Variants in PTPRG observed in about 807,000 individuals in gnomAD.
The protein encoded by PTPRG is protein tyrosine phosphatase receptor type G, also known as receptor-type tyrosine-protein phosphatase gamma.
In PTPRG, 102 loss-of-function variants were observed where a neutral mutation model predicts 165.3. That is an observed-to-expected ratio of 0.62 (90% CI 0.53 to 0.73). The LOEUF (loss-of-function observed/expected upper bound fraction) is 0.73, where lower values mean the gene tolerates loss of function less well. PTPRG is among the 30% of genes least tolerant of loss of function. The pLI, the probability that PTPRG is intolerant of heterozygous loss-of-function variation, is 0.00. For synonymous variants in PTPRG, 675 were observed against 669.5 expected (o/e 1.01, Z -0.13); for missense variants, 1,866 against 1,861.4 (o/e 1.00, Z -0.05).
At chr3:62,207,371 C>G (rs1273910109) in intron 12 of PTPRG, among the ~76,000 whole-genome samples, 1 of 152,236 alleles carries the variant, frequency 6.6e-6, no homozygotes, top group Admixed American at 6.5e-5. Flanking sequence ...CGTGAGTGAC[C>G]TGAAGGTAAA....
chr3:61,972,892 C>G (rs1003902490), intron 2 of PTPRG, among the ~76,000 whole-genome samples: 2 of 151,430 alleles, frequency 1.3e-5, no homozygotes, highest in African/African-American at 4.9e-5. Context: ...CTTCTGGGCT[C>G]AAGTGATCCT....
intron 6 of PTPRG, among the ~76,000 whole-genome samples, chr3:62,135,004 G>A (rs985528119): frequency 6.6e-6 from 1 of 152,170 alleles, no homozygotes; most frequent in African/African-American, 2.4e-5. Flanking sequence ...CAGGGGCAGT[G>A]GCTCATGCCT....
chr3:61,607,856 G>A (rs1167505412), intron 1 of PTPRG, among the ~76,000 whole-genome samples: 1 of 152,154 alleles, frequency 6.6e-6, no homozygotes, highest in Non-Finnish European at 1.5e-5. Context: ...GGACTGTGGA[G>A]AACTGGACGC....
chr3:61,671,896 G>C (rs536330729), intron 1 of PTPRG, among the ~76,000 whole-genome samples: 2 of 146,736 alleles, frequency 1.4e-5, no homozygotes, highest in South Asian at 2.2e-4. Context: ...GGGCGGGGGG[G>C]GCTGATCCCC....
intron 1 of PTPRG, among the ~76,000 whole-genome samples, chr3:61,678,880 T>C (rs1485739090): frequency 6.6e-6 from 1 of 152,140 alleles, no homozygotes; most frequent in Non-Finnish European, 1.5e-5. Context: ...ATACCTAAGT[T>C]TTGGGAGGCC....
chr3:62,163,881 G>A (rs1441735462), intron 7 of PTPRG, among the ~76,000 whole-genome samples: 1 of 152,194 alleles, frequency 6.6e-6, no homozygotes, highest in Non-Finnish European at 1.5e-5. Context: ...TAGCAAGTAG[G>A]GTTTAAAAAC....
intron 6 of PTPRG, among the ~76,000 whole-genome samples, chr3:62,151,523 T>A (rs1262795188): frequency 6.6e-6 from 1 of 151,960 alleles, no homozygotes; most frequent in Non-Finnish European, 1.5e-5. Flanking sequence ...TTTTCTTTGA[T>A]GAACAATTAA....
intron 1 of PTPRG, among the ~76,000 whole-genome samples, chr3:61,728,082 C>T (rs1417032733): frequency 3.9e-5 from 6 of 152,142 alleles, no homozygotes; most frequent in Admixed American, 3.9e-4. Flanking sequence ...TGTTAGAGTG[C>T]ATTTATGCCT....
intron 2 of PTPRG, among the ~76,000 whole-genome samples, chr3:61,878,955 A>G (rs116777566): frequency 6.6e-6 from 1 of 152,370 alleles, no homozygotes; most frequent in Non-Finnish European, 1.5e-5. Flanking sequence ...ACCTGTGCAT[A>G]CTAGAATTCC....
chr3:62,033,105 G>A (rs886773051), intron 4 of PTPRG, among the ~76,000 whole-genome samples: 2 of 152,134 alleles, frequency 1.3e-5, no homozygotes, highest in South Asian at 4.2e-4. Flanking sequence ...CTGCCTCCCA[G>A]CCCAGTTACA....
At chr3:61,766,052 C>CT (rs1314844405) in intron 2 of PTPRG, among the ~76,000 whole-genome samples, 2 of 152,256 alleles carry the variant, frequency 1.3e-5, no homozygotes, top group African/African-American at 4.8e-5. Flanking sequence ...ATAAAAACGT[C>CT]TAATATATCT....
intron 2 of PTPRG, among the ~76,000 whole-genome samples, chr3:61,814,083 T>C (rs1297415071): frequency 7.2e-5 from 11 of 152,190 alleles, no homozygotes; most frequent in Non-Finnish European, 8.8e-5. Flanking sequence ...GTATTTTTAG[T>C]AGAGATGGGG....
chr3:62,247,538 A>G (rs141747630), intron 15 of PTPRG, among the ~76,000 whole-genome samples: 1 of 152,096 alleles, frequency 6.6e-6, no homozygotes, highest in African/African-American at 2.4e-5. Flanking sequence ...CATTTTCCCC[A>G]TATTAAAAAA....
At chr3:61,991,745 C>T (rs2040895927) in intron 3 of PTPRG, among the ~76,000 whole-genome samples, 1 of 152,220 alleles carries the variant, frequency 6.6e-6, no homozygotes, top group Admixed American at 6.5e-5. Flanking sequence ...TTCTGGAAGG[C>T]TGTCAAAGAC....
At chr3:61,866,151 C>CTTTA (rs2037402465) in intron 2 of PTPRG, among the ~76,000 whole-genome samples, 1 of 152,202 alleles carries the variant, frequency 6.6e-6, no homozygotes, top group Non-Finnish European at 1.5e-5. Flanking sequence ...GGTCCTCCTG[C>CTTTA]ATCCAGGAAT....
At chr3:62,020,402 G>A (rs529581445) in intron 4 of PTPRG, among the ~76,000 whole-genome samples, 1 of 152,026 alleles carries the variant, frequency 6.6e-6, no homozygotes, top group South Asian at 2.1e-4. Context: ...AAGTATAGAG[G>A]CAGAATATAA....
intron 20 of PTPRG, among the ~76,000 whole-genome samples, 177 bp downstream of exon 20, chr3:62,269,346 G>A (rs955782815): frequency 2.0e-5 from 3 of 152,102 alleles, no homozygotes; most frequent in African/African-American, 7.2e-5. Flanking sequence ...TATTGGCAAA[G>A]CATCTAATAG....
intron 1 of PTPRG, among the ~76,000 whole-genome samples, chr3:61,642,868 C>T (rs1030471643): frequency 1.3e-5 from 2 of 152,086 alleles, no homozygotes; most frequent in African/African-American, 2.4e-5. Flanking sequence ...CATGAGACAT[C>T]GACACTTGGT....
rs765834371 is a variant in PTPRG at position 62,271,347 on chromosome 3, C to A, written c.3010-36C>A. The A allele has an allele frequency of 3.3e-6, 5 of 1,535,790 alleles. No individual in the cohort carries two copies. Among genetic ancestry groups the A allele is most frequent in the South Asian group, 1.2e-5 (1 of 80,790 alleles). On this transcript the variant is annotated intron_variant, in intron 20 of 29. Transcript: ENST00000474889. This position sits in a 1 kb window ranked among gnomAD's most constrained non-coding sequence, Gnocchi z 4.1. Reference sequence around the variant, plus strand: ...TATTTTTTTCCAGAATGTCCACCCCCCCGCTTAAAGACATCTTTTTTCACT... The same window carrying A: ...TATTTTTTTCCAGAATGTCCACCCCACCGCTTAAAGACATCTTTTTTCACT...
Sources: allele counts gnomAD v4.1 joint callset (sites outside exome capture counted in the v4.1 genomes callset), GRCh38; gene constraint gnomAD v4.1.1; non-coding constraint Gnocchi (gnomAD v3.1); transcripts MANE v1.5; gene names NCBI Gene and HGNC (gene_info 2026-07-23, HGNC 2026-07-21).